The following BACH2 variants were observed in gnomAD, a reference collection of about 807,000 sequenced individuals.
BACH2 encodes transcription regulator protein BACH2.
BACH2 carries 5 observed loss-of-function variants against 61.8 expected under a neutral mutation model. That is an observed-to-expected ratio of 0.08 (90% CI 0.04 to 0.17). The LOEUF (loss-of-function observed/expected upper bound fraction) is 0.17. BACH2 is among the 10% of genes least tolerant of loss of function. The pLI is 1.00. For missense variants in BACH2, 824 were observed against 1,091.1 expected, an observed-to-expected ratio of 0.76 and a Z score of 3.45; for synonymous variants, 446 against 440.1, an observed-to-expected ratio of 1.01 and a Z score of -0.17.
chr6:89,943,480 T>C (rs1021056029), intron 7 of BACH2, among the ~76,000 whole-genome samples: 7 of 152,046 alleles, frequency 4.6e-5, no homozygotes, highest in African/African-American at 1.7e-4. Flanking sequence ...AAATATAGCT[T>C]TCATAAAATA....
At chr6:89,979,205 G>T (rs1775819140) in intron 6 of BACH2, among the ~76,000 whole-genome samples, 1 of 152,050 alleles carries the variant, frequency 6.6e-6, no homozygotes, top group Non-Finnish European at 1.5e-5. Flanking sequence ...AAGGCTTCAG[G>T]GCTTAGTGAT....
At chr6:90,189,465 G>A (rs543506416) in intron 4 of BACH2, among the ~76,000 whole-genome samples, 1,885 of 151,986 alleles carry the variant, frequency 0.012, 47 homozygotes, top group African/African-American at 0.043. Context: ...AAAATTAGCC[G>A]GGCGCGGTGG....
chr6:90,180,858 A>ATT (rs1221063103), intron 4 of BACH2, among the ~76,000 whole-genome samples: 1 of 124,852 alleles, frequency 8.0e-6, no homozygotes, highest in Non-Finnish European at 1.6e-5. Context: ...AATTATGTGT[A>ATT]TTACACACAC....
intron 4 of BACH2, among the ~76,000 whole-genome samples, chr6:90,177,837 A>C (rs929254798): frequency 2.0e-5 from 3 of 152,306 alleles, no homozygotes; most frequent in East Asian, 3.9e-4. Context: ...TCTAAAGCTG[A>C]TAAGAAGGTA....
intron 4 of BACH2, among the ~76,000 whole-genome samples, chr6:90,161,636 A>C (rs1785195758): frequency 1.3e-5 from 2 of 152,236 alleles, no homozygotes; most frequent in African/African-American, 4.8e-5. Flanking sequence ...CTTAAAAACC[A>C]ATCAAGTTAA....
chr6:90,049,978 A>G (rs1321122662), intron 5 of BACH2, among the ~76,000 whole-genome samples: 2 of 152,200 alleles, frequency 1.3e-5, no homozygotes, highest in Non-Finnish European at 2.9e-5. Context: ...GAAATTGAAC[A>G]AGGTGAGTGA....
intron 6 of BACH2, among the ~76,000 whole-genome samples, chr6:89,969,116 C>T (rs765597618): frequency 5.2e-5 from 7 of 135,614 alleles, no homozygotes; most frequent in South Asian, 4.9e-4. Flanking sequence ...TGCAATGGTG[C>T]GATCTTGGCT....
chr6:90,218,485 C>T (rs1460046794), intron 3 of BACH2, among the ~76,000 whole-genome samples: 7 of 151,670 alleles, frequency 4.6e-5, no homozygotes, highest in African/African-American at 1.7e-4. Context: ...CTTCCCCCAC[C>T]CTCCTCTTTT....
chr6:90,058,970 A>T (rs1056518951), intron 5 of BACH2, among the ~76,000 whole-genome samples: 6 of 152,250 alleles, frequency 3.9e-5, no homozygotes, highest in Admixed American at 2.6e-4. Flanking sequence ...TACAAAAATT[A>T]ATTCAAGATG....
chr6:90,078,532 T>C (rs1213669476), intron 5 of BACH2, among the ~76,000 whole-genome samples: 2 of 152,316 alleles, frequency 1.3e-5, no homozygotes, highest in South Asian at 2.1e-4. Flanking sequence ...CTTTTGTCCA[T>C]TTAATTCCAA....
intron 4 of BACH2, among the ~76,000 whole-genome samples, chr6:90,128,398 T>C (rs956582918): frequency 4.6e-5 from 7 of 152,226 alleles, no homozygotes; most frequent in Admixed American, 1.3e-4. Flanking sequence ...CTGGCCAACA[T>C]GGTGAAACCC....
At chr6:90,072,877 T>C (rs1781300998) in intron 5 of BACH2, among the ~76,000 whole-genome samples, 1 of 152,148 alleles carries the variant, frequency 6.6e-6, no homozygotes, top group Non-Finnish European at 1.5e-5. Flanking sequence ...CAACCCACAC[T>C]TGTCCTTCTA....
intron 2 of BACH2, among the ~76,000 whole-genome samples, chr6:90,254,939 C>G (rs1340944043): frequency 6.6e-6 from 1 of 152,168 alleles, no homozygotes. Flanking sequence ...CAGTTTGCCT[C>G]CATTAACGCT....
At chr6:90,148,234 A>G (rs1330928319) in intron 4 of BACH2, among the ~76,000 whole-genome samples, 1 of 152,160 alleles carries the variant, frequency 6.6e-6, no homozygotes, top group Non-Finnish European at 1.5e-5. Flanking sequence ...GTGAGGAAAA[A>G]TGTTATTTTT....
At chr6:89,952,340 C>T (rs1774177951) in intron 6 of BACH2, among the ~76,000 whole-genome samples, 1 of 152,146 alleles carries the variant, frequency 6.6e-6, no homozygotes, top group African/African-American at 2.4e-5. Flanking sequence ...AAACTAACTC[C>T]AGGGAGTTGT....
chr6:89,955,807 GACC>G (rs952387058), intron 6 of BACH2, among the ~76,000 whole-genome samples: 43 of 152,232 alleles, frequency 2.8e-4, no homozygotes, highest in African/African-American at 9.9e-4. Context: ...ATGAAACTGT[GACC>G]ACAAGTCTGC....
At chr6:90,251,561 T>A (rs1195042123) in intron 3 of BACH2, among the ~76,000 whole-genome samples, 2 of 97,372 alleles carry the variant, frequency 2.1e-5, no homozygotes, top group African/African-American at 5.4e-5. Flanking sequence ...CTTTTGCTAG[T>A]CATATTAAAA....
At chr6:90,116,415 T>C (rs1364694411) in intron 4 of BACH2, among the ~76,000 whole-genome samples, 1 of 152,150 alleles carries the variant, frequency 6.6e-6, no homozygotes, top group Non-Finnish European at 1.5e-5. Context: ...TATGGCATGT[T>C]CTCACTTATA....
At position 90,201,571 on chromosome 6, in the gene BACH2, T is replaced by G. The variant is rs931575271; in HGVS notation, c.-162+4998A>C. Among the ~76,000 whole-genome samples, 13 of 152,336 alleles carry G rather than the reference T, an allele frequency of 8.5e-5. No individual in the cohort carries two copies. In the East Asian group the frequency reaches 1.7e-3, roughly 20 times the overall value. ...TTAATTTGTAAGAACTCTTAATAAC[T>G]CTTTCTCATACATGGGTAAATACTG... On this transcript the variant is annotated intron_variant, in intron 4 of 8. Transcript: ENST00000257749.
Sources: gnomAD v4.1 joint callset for allele counts (sites outside exome capture counted in the v4.1 genomes callset) on GRCh38, gnomAD v4.1.1 for gene constraint, MANE v1.5 for transcripts, NCBI Gene and HGNC (gene_info 2026-07-23, HGNC 2026-07-21) for gene names.